KIAA0513: variants seen among roughly 807,000 people sequenced by gnomAD.
KIAA0513 encodes uncharacterized protein KIAA0513.
A neutral mutation model predicts 56.5 loss-of-function variants in KIAA0513; 39 were observed. That is an observed-to-expected ratio of 0.69 (90% CI 0.53 to 0.90). The LOEUF is 0.90. Among genes scored for constraint, KIAA0513 ranks in the 40% least tolerant of loss-of-function variants. The probability of loss-of-function intolerance (pLI) is 0.00; values close to 1 mark genes in which losing one functional copy is unlikely to be tolerated. For synonymous variants in KIAA0513, 268 were observed against 215.6 expected (o/e 1.24, Z -2.13); for missense variants, 591 against 535.2 (o/e 1.10, Z -1.03).
intron 1 of KIAA0513, among the ~76,000 whole-genome samples, chr16:85,040,934 C>G (rs1159852400): frequency 6.6e-6 from 1 of 152,236 alleles, no homozygotes; most frequent in East Asian, 1.9e-4. Flanking sequence ...TTTTCGCTCA[C>G]ATGCAAGTAA....
intron 1 of KIAA0513, among the ~76,000 whole-genome samples, chr16:85,032,959 C>A (rs552152139): frequency 1.3e-5 from 2 of 152,166 alleles, no homozygotes; most frequent in East Asian, 3.9e-4. Context: ...ATTAAGTTCA[C>A]AGATTCCCTG....
intron 1 of KIAA0513, among the ~76,000 whole-genome samples, chr16:85,034,066 A>G (rs986756499): frequency 6.6e-6 from 1 of 152,104 alleles, no homozygotes; most frequent in African/African-American, 2.4e-5. Flanking sequence ...GTTGGGACAG[A>G]TGACTTGTTT....
At chr16:85,048,838 G>C (rs925573409) in intron 1 of KIAA0513, among the ~76,000 whole-genome samples, 1 of 152,202 alleles carries the variant, frequency 6.6e-6, no homozygotes, top group Non-Finnish European at 1.5e-5. Flanking sequence ...CAAATGACCT[G>C]TAGAAAACAG....
Position 85,082,574 on chromosome 16 carries a change from G to A in KIAA0513, c.991G>A (p.Gly331Arg). The part of the protein sequence containing the change: ...KRSPTTRGDA[G>R]EEEEKREKWC... Reference sequence around the variant, plus strand: ...CTGCTGCCGCTCCAGAGGGGATGCTGGAGAGGAGGAGGAGAAGAGGTGTGT... The same window carrying A: ...CTGCTGCCGCTCCAGAGGGGATGCTAGAGAGGAGGAGGAGAAGAGGTGTGT... Residue 331 changes from glycine to arginine, a missense_variant, in exon 10 of 13, where the codon GGA becomes AGA. Physicochemically the swap from Gly to Arg is moderately radical, Grantham distance 125. Transcript: ENST00000683363. The A allele has an allele frequency of 6.2e-7, 1 of 1,614,124 alleles. No homozygotes were observed. Among genetic ancestry groups the A allele is most frequent in the African/African-American group, 1.3e-5 (1 of 75,066 alleles).
intron 1 of KIAA0513, among the ~76,000 whole-genome samples, chr16:85,049,341 G>A (rs972658573): frequency 1.3e-5 from 2 of 152,212 alleles, no homozygotes; most frequent in African/African-American, 2.4e-5. Flanking sequence ...GGGCCAGCGG[G>A]AGCTGAGCAC....
chr16:85,031,603 C>T (rs1186838483), intron 1 of KIAA0513, among the ~76,000 whole-genome samples: 1 of 152,232 alleles, frequency 6.6e-6, no homozygotes, highest in Admixed American at 6.5e-5. Flanking sequence ...TCTCCAGCTT[C>T]ATTGACTGCT....
chr16:85,079,093 A>G, intron 8 of KIAA0513, 90 bp downstream of exon 8: 2 of 1,598,432 alleles, frequency 1.3e-6, no homozygotes, highest in African/African-American at 1.3e-5. Context: ...CTTTGTCCCC[A>G]TCAGAATGGC....
chr16:85,035,206 C>T (rs2073018984), intron 1 of KIAA0513, among the ~76,000 whole-genome samples: 1 of 152,196 alleles, frequency 6.6e-6, no homozygotes, highest in Non-Finnish European at 1.5e-5. Flanking sequence ...TTGTCTCTTG[C>T]CCCCTTCGCT....
At chr16:85,041,453 G>T (rs1046593210) in intron 1 of KIAA0513, among the ~76,000 whole-genome samples, 1 of 152,198 alleles carries the variant, frequency 6.6e-6, no homozygotes, top group African/African-American at 2.4e-5. Context: ...GCACGTGGCT[G>T]TCATCTTCTC....
Position 85,082,575 on chromosome 16 carries a change from G to A in KIAA0513, c.992G>A (p.Gly331Glu). 1 of 1,614,088 alleles carries A rather than the reference G, an allele frequency of 6.2e-7. No homozygotes were observed. Among genetic ancestry groups the A allele is most frequent in the Non-Finnish European group, 8.5e-7 (1 of 1,179,982 alleles). ...TGCTGCCGCTCCAGAGGGGATGCTGGAGAGGAGGAGGAGAAGAGGTGTGTG... is the reference window on the plus strand; with the variant it reads ...TGCTGCCGCTCCAGAGGGGATGCTGAAGAGGAGGAGGAGAAGAGGTGTGTG... ...KRSPTTRGDA[G>E]EEEEKREKWC... Residue 331 changes from glycine (G) to glutamate (E), a missense_variant, in exon 10 of 13, where the codon GGA becomes GAA. Transcript: ENST00000683363.
At chr16:85,034,761 C>T (rs1016393064) in intron 1 of KIAA0513, among the ~76,000 whole-genome samples, 5 of 152,290 alleles carry the variant, frequency 3.3e-5, no homozygotes, top group African/African-American at 7.2e-5. Context: ...AACAGTATAA[C>T]GTAGCCAAGG....
chr16:85,052,956 T>A (rs769472974), intron 1 of KIAA0513, among the ~76,000 whole-genome samples: 1 of 152,196 alleles, frequency 6.6e-6, no homozygotes, highest in Non-Finnish European at 1.5e-5. Context: ...AGTGGCACGA[T>A]CTCGGCTCAC....
At position 85,087,075 on chromosome 16, in the gene KIAA0513, A is replaced by G. The variant is rs2073817928; in HGVS notation, c.1095A>G (p.Thr365=). ...GCTCTTGGGGTTTCTCCTGCAGCAC[A>G]TTCACGCACAACATGCTGGCCTTTG... ...NENITFGQLG[T]FTHNMLAFGL... The change falls in exon 12 of 13, where the codon ACA becomes ACG. Residue 365 remains threonine (T), a synonymous_variant. Transcript: ENST00000683363. 1.2e-6 allele frequency: 2 copies of G among 1,614,126 alleles called. No individual in the cohort carries two copies. Among genetic ancestry groups the G allele is most frequent in the Non-Finnish European group, 1.7e-6 (2 of 1,179,976 alleles).
rs187898735 is a variant in KIAA0513 at position 85,067,877 on chromosome 16, C to G, written c.329+477C>G. 3.5e-5 allele frequency among the ~76,000 whole-genome samples: 5 copies of G among 142,436 alleles called. No individual in the cohort carries two copies. The East Asian group carries it at 1.1e-3, about 30-fold the overall frequency. 93.4% of individuals were successfully genotyped at this position (142,436 alleles called of 152,430 possible). On this transcript the variant is annotated intron_variant, in intron 2 of 12. Transcript: ENST00000683363. ...CCAGGCTGGAGTGCAGTGGTGCGAT[C>G]TCAGCTTAATGCAAGCTCTGCCTCC...
At chr16:85,034,200 G>A (rs1054601005) in intron 1 of KIAA0513, among the ~76,000 whole-genome samples, 2 of 152,050 alleles carry the variant, frequency 1.3e-5, no homozygotes, top group African/African-American at 2.4e-5. Flanking sequence ...CCAACATGGT[G>A]AAAACCTCTC....
At chr16:85,077,365 C>A in intron 5 of KIAA0513, 60 bp from the exon 6 acceptor site, 1 of 1,520,376 alleles carries the variant, frequency 6.6e-7, no homozygotes, top group Non-Finnish European at 9.0e-7. Context: ...TGGGCCTCTG[C>A]AGTTAGCAGG....
At chr16:85,086,758 G>C (rs573641999) in intron 11 of KIAA0513, 34 bp downstream of exon 11, 20 of 1,579,440 alleles carry the variant, frequency 1.3e-5, no homozygotes, top group Admixed American at 1.0e-4. Flanking sequence ...GGAGGGGAGA[G>C]GGGGGAGGGC....
chr16:85,053,191 G>C (rs868367241), intron 1 of KIAA0513, among the ~76,000 whole-genome samples: 5 of 152,064 alleles, frequency 3.3e-5, no homozygotes, highest in Middle Eastern at 3.2e-3. Flanking sequence ...GCCCGACCTG[G>C]ATCAAATTTT....
chr16:85,034,589 G>A (rs574799184), intron 1 of KIAA0513, among the ~76,000 whole-genome samples: 1 of 152,296 alleles, frequency 6.6e-6, no homozygotes, highest in East Asian at 1.9e-4. Flanking sequence ...GGCAAGTACA[G>A]AGGACTCACC....
Sources: gnomAD v4.1 joint callset for allele counts (sites outside exome capture counted in the v4.1 genomes callset) on GRCh38, gnomAD v4.1.1 for gene constraint, MANE v1.5 for transcripts, NCBI Gene and HGNC (gene_info 2026-07-23, HGNC 2026-07-21) for gene names.